Variants in SUPT3H observed in about 807,000 individuals in gnomAD.
SUPT3H encodes SPT3 homolog, SAGA and STAGA complex component.
Under a neutral mutation model 44.3 loss-of-function variants are expected in SUPT3H, and 44 were observed. The observed-to-expected ratio is 0.99, with a 90% confidence interval of 0.78 to 1.28. The LOEUF is 1.28. SUPT3H is among the 50% of genes most tolerant of loss of function. SUPT3H has a pLI of 0.00. For missense variants in SUPT3H, 380 were observed against 387.1 expected, an observed-to-expected ratio of 0.98 and a Z score of 0.15; for synonymous variants, 124 against 125.6, an observed-to-expected ratio of 0.99 and a Z score of 0.09.
intron 10 of SUPT3H, among the ~76,000 whole-genome samples, chr6:44,849,476 C>A (rs1362080901): frequency 6.6e-6 from 1 of 151,948 alleles, no homozygotes; most frequent in East Asian, 1.9e-4. Context: ...ATCCGCCCGC[C>A]TCGGCCTCCC....
chr6:44,904,948 G>T (rs1024172860), intron 10 of SUPT3H, among the ~76,000 whole-genome samples: 1 of 152,178 alleles, frequency 6.6e-6, no homozygotes, highest in Non-Finnish European at 1.5e-5. Context: ...TAATGGTGCT[G>T]GGAACACTGG....
chr6:45,118,774 T>C (rs1212821003), intron 2 of SUPT3H, among the ~76,000 whole-genome samples: 2 of 152,144 alleles, frequency 1.3e-5, no homozygotes, highest in Non-Finnish European at 2.9e-5. Context: ...TCACCTCATA[T>C]TATATTCATT....
chr6:44,980,529 C>T (rs974689344), intron 6 of SUPT3H, among the ~76,000 whole-genome samples: 6 of 152,096 alleles, frequency 3.9e-5, no homozygotes, highest in Non-Finnish European at 8.8e-5. Flanking sequence ...AAGAGAAATG[C>T]AGATTTTCTT....
At chr6:45,146,291 A>G (rs561814238) in intron 2 of SUPT3H, among the ~76,000 whole-genome samples, 1 of 152,304 alleles carries the variant, frequency 6.6e-6, no homozygotes, top group South Asian at 2.1e-4. Flanking sequence ...CAATGAGTGG[A>G]TAAAGAAAAT....
chr6:44,911,453 T>TA (rs1327301272), intron 10 of SUPT3H, among the ~76,000 whole-genome samples: 1 of 152,170 alleles, frequency 6.6e-6, no homozygotes, highest in East Asian at 1.9e-4. Flanking sequence ...ACTTACGGCA[T>TA]AAAAAATACT....
At chr6:45,185,120 G>A (rs1403901326) in intron 2 of SUPT3H, among the ~76,000 whole-genome samples, 3 of 152,164 alleles carry the variant, frequency 2.0e-5, no homozygotes, top group African/African-American at 4.8e-5. Flanking sequence ...ATTCCCCTCT[G>A]TGGATCGCAT....
At chr6:45,036,294 G>C (rs1787666025) in intron 3 of SUPT3H, among the ~76,000 whole-genome samples, 1 of 152,078 alleles carries the variant, frequency 6.6e-6, no homozygotes, top group Non-Finnish European at 1.5e-5. Flanking sequence ...CCATGCAAAG[G>C]GAATAGGAAG....
intron 2 of SUPT3H, among the ~76,000 whole-genome samples, chr6:45,317,537 T>C (rs759326616): frequency 3.3e-5 from 5 of 152,044 alleles, no homozygotes; most frequent in Non-Finnish European, 7.4e-5. Flanking sequence ...AGTAAATCCA[T>C]ACATTTACTG....
At chr6:44,906,587 C>T (rs956600785) in intron 10 of SUPT3H, among the ~76,000 whole-genome samples, 1 of 152,048 alleles carries the variant, frequency 6.6e-6, no homozygotes, top group African/African-American at 2.4e-5. Context: ...CATTGTGAAA[C>T]CCGTCTCTAA....
At chr6:45,266,464 G>C (rs1775285414) in intron 2 of SUPT3H, among the ~76,000 whole-genome samples, 1 of 151,452 alleles carries the variant, frequency 6.6e-6, no homozygotes, top group Non-Finnish European at 1.5e-5. Context: ...AATATTTCTA[G>C]GATTGATGAA....
intron 9 of SUPT3H, among the ~76,000 whole-genome samples, chr6:44,940,853 C>T (rs1171052487): frequency 6.6e-6 from 1 of 152,046 alleles, no homozygotes; most frequent in East Asian, 1.9e-4. Context: ...GATACAAAGT[C>T]TGTGTTATCT....
intron 3 of SUPT3H, among the ~76,000 whole-genome samples, chr6:45,023,559 G>A (rs1785485753): frequency 6.6e-6 from 1 of 152,160 alleles, no homozygotes; most frequent in Non-Finnish European, 1.5e-5. Flanking sequence ...TAAAGAAAAT[G>A]TGGTATATAT....
intron 2 of SUPT3H, among the ~76,000 whole-genome samples, chr6:45,339,106 T>C (rs942131923): frequency 6.6e-6 from 1 of 152,212 alleles, no homozygotes; most frequent in Non-Finnish European, 1.5e-5. Flanking sequence ...AAGATAGTTA[T>C]GGCCTTATTG....
intron 10 of SUPT3H, among the ~76,000 whole-genome samples, chr6:44,855,308 G>A (rs1390491766): frequency 6.6e-6 from 1 of 152,178 alleles, no homozygotes; most frequent in East Asian, 1.9e-4. Context: ...TGAAGCAGCA[G>A]TTTTTCATCT....
intron 3 of SUPT3H, among the ~76,000 whole-genome samples, chr6:45,051,757 T>C (rs911930340): frequency 2.0e-5 from 3 of 152,142 alleles, no homozygotes; most frequent in Admixed American, 6.5e-5. Flanking sequence ...GGGTACTAAG[T>C]ACATATGCAA....
chr6:45,141,553 C>A (rs543191019), intron 2 of SUPT3H, among the ~76,000 whole-genome samples: 1 of 151,176 alleles, frequency 6.6e-6, no homozygotes. Context: ...CTTAGAGAAA[C>A]ACAAAATCTA....
intron 3 of SUPT3H, among the ~76,000 whole-genome samples, chr6:45,033,982 T>C (rs971210682): frequency 3.3e-5 from 5 of 152,162 alleles, no homozygotes; most frequent in Non-Finnish European, 7.3e-5. Flanking sequence ...CCAATGGAAG[T>C]ATTAATATTG....
At chr6:44,921,375 A>G (rs1302223392) in intron 10 of SUPT3H, among the ~76,000 whole-genome samples, 1 of 152,198 alleles carries the variant, frequency 6.6e-6, no homozygotes, top group East Asian at 1.9e-4. Context: ...ATTGACTCAT[A>G]GCAGTACACA....
At chr6:44,821,513 A>G (rs946328973) in intron 11 of SUPT3H, among the ~76,000 whole-genome samples, 3 of 152,202 alleles carry the variant, frequency 2.0e-5, no homozygotes, top group Non-Finnish European at 4.4e-5. Context: ...GACTTTGGGA[A>G]TGCTGAATTT....
Sources: allele counts gnomAD v4.1 joint callset (sites outside exome capture counted in the v4.1 genomes callset), GRCh38; gene constraint gnomAD v4.1.1; transcripts MANE v1.5; gene names NCBI Gene and HGNC (gene_info 2026-07-23, HGNC 2026-07-21).